TET2: variants seen among roughly 807,000 people sequenced by gnomAD.
TET2 encodes methylcytosine dioxygenase TET2.
Under a neutral mutation model 142.9 loss-of-function variants are expected in TET2, and 299 were observed. The ratio of observed to expected loss-of-function variants is 2.09; its 90% CI spans 1.90 to 2.30. The LOEUF (loss-of-function observed/expected upper bound fraction) is 2.30, where lower values mean the gene tolerates loss of function less well. TET2 is among the 30% of genes most tolerant of loss of function. The pLI is 0.00. For missense variants in TET2, 2,418 were observed against 2,378.0 expected, an observed-to-expected ratio of 1.02 and a Z score of -0.35; for synonymous variants, 819 against 849.0, an observed-to-expected ratio of 0.96 and a Z score of 0.61.
At chr4:105,243,532 G>C (rs1382463395) in intron 5 of TET2, 38 bp from the exon 6 acceptor site, 14 of 1,538,626 alleles carry the variant, frequency 9.1e-6, no homozygotes, top group Non-Finnish European at 1.1e-5. Flanking sequence ...TTTTGGTTGG[G>C]GTGGGGGGTG....
At chr4:105,255,942 G>A (rs1179385471) in intron 6 of TET2, among the ~76,000 whole-genome samples, 1 of 151,298 alleles carries the variant, frequency 6.6e-6, no homozygotes, top group Non-Finnish European at 1.5e-5. Context: ...TGGTTTCCCT[G>A]GGGATTACAA....
Position 105,225,909 on chromosome 4 carries a change from G to A in TET2, c.-46-7988G>A, listed in dbSNP as rs565190954. On this transcript the variant is annotated intron_variant, in intron 2 of 10. Coordinates refer to ENST00000380013, the MANE Select transcript of TET2 (RefSeq NM_001127208.3). ...GATAATCTGGGAAGGTGGCAAAGAA[G>A]GGATCAGAATAACTCTGTGGCAGCT... Among the ~76,000 whole-genome samples, 120 of 152,248 alleles carry A rather than the reference G, an allele frequency of 7.9e-4. 1 individual carries two copies. The South Asian group carries it at 0.019, about 24-fold the overall frequency.
At chr4:105,270,794 A>G (rs1050504091) in intron 9 of TET2, among the ~76,000 whole-genome samples, 1 of 152,304 alleles carries the variant, frequency 6.6e-6, no homozygotes, top group East Asian at 1.9e-4. Context: ...TGAAAAAACT[A>G]TGAATCAATC....
intron 3 of TET2, chr4:105,238,467 A>C (rs1266229268): frequency 1.2e-5 from 3 of 249,540 alleles, no homozygotes; most frequent in African/African-American, 4.4e-5. Flanking sequence ...CTGCTGCTTT[A>C]TCAACTAAGT....
chr4:105,209,049 G>GTGTATATA (rs71584291), intron 2 of TET2, among the ~76,000 whole-genome samples: 33 of 44,354 alleles, frequency 7.4e-4, no homozygotes, highest in East Asian at 2.3e-3. Context: ...TCAAGGCATG[G>GTGTATATA]TATATATATA....
chr4:105,274,966 T>A (rs2110310625), intron 10 of TET2, 82 bp from the exon 11 acceptor site: 2 of 1,444,798 alleles, frequency 1.4e-6, no homozygotes. Context: ...CTTACCTACA[T>A]TTAAGTATCC....
intron 1 of TET2, among the ~76,000 whole-genome samples, chr4:105,160,314 A>G (rs540113944): frequency 6.6e-6 from 1 of 152,306 alleles, no homozygotes; most frequent in Admixed American, 6.5e-5. Context: ...TATTTTTATC[A>G]ATACAAAGCA....
chr4:105,199,412 CTG>C (rs1726306298), intron 2 of TET2, among the ~76,000 whole-genome samples: 1 of 152,132 alleles, frequency 6.6e-6, no homozygotes, highest in African/African-American at 2.4e-5. Flanking sequence ...CACTTTGTGA[CTG>C]TGATTTTCTA....
At chr4:105,190,324 GCTAA>G in intron 1 of TET2, 32 bp from the exon 2 acceptor site, 1 of 614,254 alleles carries the variant, frequency 1.6e-6, no homozygotes, top group Non-Finnish European at 2.9e-6. Flanking sequence ...GTTCCTTTTT[GCTAA>G]CTTAAAAATG....
At position 105,237,249 on chromosome 4, in the gene TET2, A is replaced by G; in HGVS notation, c.3307A>G (p.Asn1103Asp). 6.2e-7 allele frequency: 1 copy of G among 1,614,116 alleles called. No individual in the cohort carries two copies. ...TKRTAASVLN[N>D]FIESPSKLLD... The stretch of plus-strand genomic sequence containing the variant: ...AAGAACAGCTGCTTCTGTTCTCAAT[A>G]ATTTTATAGAGTCACCTTCCAAATT... Residue 1103 changes from asparagine (N) to aspartate (D), a missense_variant, in exon 3 of 11, where the codon AAT becomes GAT. By Grantham distance (23) the Asn-to-Asp change is conservative. Transcript: ENST00000380013.
At chr4:105,269,860 G>A in intron 9 of TET2, 113 bp downstream of exon 9, 1 of 1,294,074 alleles carries the variant, frequency 7.7e-7, no homozygotes, top group South Asian at 1.4e-5. Context: ...TTGACTCACA[G>A]TTCCACATGG....
chr4:105,178,417 G>C (rs1452245350), intron 1 of TET2, among the ~76,000 whole-genome samples: 1 of 152,198 alleles, frequency 6.6e-6, no homozygotes, highest in African/African-American at 2.4e-5. Flanking sequence ...AAAAAGAGCA[G>C]TGTTTTCCAG....
chr4:105,165,235 G>T (rs1724090928), intron 1 of TET2, among the ~76,000 whole-genome samples: 1 of 152,102 alleles, frequency 6.6e-6, no homozygotes, highest in Admixed American at 6.5e-5. Flanking sequence ...AATTAGCCAG[G>T]CGTGGTGGTG....
intron 8 of TET2, among the ~76,000 whole-genome samples, chr4:105,267,003 A>G (rs920542594): frequency 6.6e-6 from 1 of 152,052 alleles, no homozygotes; most frequent in South Asian, 2.1e-4. Context: ...TGGAGAAAAA[A>G]GGACATATTA....
chr4:105,172,909 A>G (rs990081162), intron 1 of TET2, among the ~76,000 whole-genome samples: 1 of 152,188 alleles, frequency 6.6e-6, no homozygotes, highest in African/African-American at 2.4e-5. Context: ...AATGAAATTG[A>G]TATGGGCAAT....
At chr4:105,184,806 G>A (rs1245163742) in intron 1 of TET2, among the ~76,000 whole-genome samples, 1 of 152,144 alleles carries the variant, frequency 6.6e-6, no homozygotes, top group Non-Finnish European at 1.5e-5. Context: ...CTGCTGAGGT[G>A]AGTAACGTGC....
In TET2 at chr4:105,277,331, A is replaced by G. The variant is rs537229486; in HGVS notation, c.*812A>G. 1.3e-5 allele frequency: 3 copies of G among 224,714 alleles called. No homozygotes were observed. The highest frequency in any genetic ancestry group is 4.4e-5 in the African/African-American group (2 of 45,024). 13.9% of individuals were successfully genotyped at this position (224,714 alleles called of 1,614,324 possible). On this transcript the variant is annotated 3_prime_UTR_variant, in exon 11 of 11. Coordinates refer to ENST00000380013, the MANE Select transcript of TET2 (RefSeq NM_001127208.3). ...CATCCAGTGAAGTCCTTGTAGGACA[A>G]TAAACGTATATATGTACATATATAC... is the stretch of plus-strand genomic sequence containing the variant.
intron 1 of TET2, among the ~76,000 whole-genome samples, chr4:105,162,795 A>C (rs979166194): frequency 2.6e-5 from 4 of 152,198 alleles, no homozygotes; most frequent in African/African-American, 7.2e-5. Flanking sequence ...AATACTTCCC[A>C]AAATCACTGT....
intron 6 of TET2, among the ~76,000 whole-genome samples, chr4:105,257,774 C>T (rs1418933174): frequency 2.0e-5 from 3 of 152,102 alleles, no homozygotes; most frequent in South Asian, 2.1e-4. Flanking sequence ...ATGTTTTGCT[C>T]CAGTTATTAG....
Sources: allele counts gnomAD v4.1 joint callset (sites outside exome capture counted in the v4.1 genomes callset), GRCh38; gene constraint gnomAD v4.1.1; transcripts MANE v1.5; gene names NCBI Gene and HGNC (gene_info 2026-07-23, HGNC 2026-07-21).